The following IRAK2 variants were observed in gnomAD, a reference collection of about 807,000 sequenced individuals.
IRAK2 encodes the protein interleukin 1 receptor associated kinase 2.
Under a neutral mutation model 72.0 loss-of-function variants are expected in IRAK2, and 57 were observed. The ratio of observed to expected loss-of-function variants is 0.79; its 90% CI spans 0.64 to 0.99. The LOEUF (loss-of-function observed/expected upper bound fraction) is 0.99. Ranked by LOEUF, IRAK2 falls within the 50% of genes least tolerant of loss-of-function variation. The pLI is 0.00. For synonymous variants in IRAK2, 293 were observed against 312.7 expected (o/e 0.94, Z 0.67); for missense variants, 790 against 794.4 (o/e 0.99, Z 0.07).
chr3:10,210,548 C>T lies in IRAK2; in HGVS notation c.528+856C>T, dbSNP rs112517576. On this transcript the variant is annotated intron_variant, in intron 4 of 12. Coordinates refer to ENST00000256458, the MANE Select transcript of IRAK2 (RefSeq NM_001570.4). ...GTTGTGAGCCTAGACCCTTTGCATCCAGTGCCTGGGGGAGAAGCCAGCTTT... is the reference window on the plus strand; with the variant it reads ...GTTGTGAGCCTAGACCCTTTGCATCTAGTGCCTGGGGGAGAAGCCAGCTTT... 1.8e-3 allele frequency among the ~76,000 whole-genome samples: 269 copies of T among 152,232 alleles called. 1 individual carries two copies. The highest frequency in any genetic ancestry group is 6.0e-3 in the African/African-American group (250 of 41,546).
intron 12 of IRAK2, among the ~76,000 whole-genome samples, chr3:10,241,669 G>C (rs1698063121): frequency 6.6e-6 from 1 of 152,020 alleles, no homozygotes; most frequent in Non-Finnish European, 1.5e-5. Flanking sequence ...GGGAGGCCGA[G>C]GCGGGTGGGT....
chr3:10,211,514 G>A (rs1477519371), intron 4 of IRAK2, among the ~76,000 whole-genome samples: 1 of 152,076 alleles, frequency 6.6e-6, no homozygotes, highest in Non-Finnish European at 1.5e-5. Flanking sequence ...GCTACTTGGG[G>A]GCGCTGAGAT....
rs11465874 is a variant in IRAK2 at position 10,189,233 on chromosome 3, C to T, written c.278-11136C>T. Among the ~76,000 whole-genome samples, 434 of 152,154 alleles carry T rather than the reference C, an allele frequency of 2.9e-3. 4 individuals are homozygous for T. Among genetic ancestry groups the T allele is most frequent in the African/African-American group, 0.01 (420 of 41,512 alleles). ...GAGGCAGTGAAACTTGAGCCTCCTC[C>T]GTAAGGAATAGTGGACCAAGAAGTG... On this transcript the variant is annotated intron_variant, in intron 2 of 12. Coordinates refer to ENST00000256458, the MANE Select transcript of IRAK2 (RefSeq NM_001570.4).
At chr3:10,178,172 A>G in intron 2 of IRAK2, 152 bp downstream of exon 2, 1 of 690,114 alleles carries the variant, frequency 1.4e-6, no homozygotes, top group Non-Finnish European at 2.4e-6. Context: ...AGAAACTGGT[A>G]ACAGGCCAGG....
chr3:10,169,325 G>A (rs899064558), intron 1 of IRAK2, among the ~76,000 whole-genome samples: 1 of 152,170 alleles, frequency 6.6e-6, no homozygotes, highest in Non-Finnish European at 1.5e-5. Context: ...TCACCAGGCT[G>A]GAATTTCCCA....
intron 1 of IRAK2, among the ~76,000 whole-genome samples, chr3:10,175,093 CAA>C (rs971232489): frequency 3.0e-5 from 4 of 135,138 alleles, no homozygotes; most frequent in East Asian, 2.1e-4. Context: ...CACCCTGTCT[CAA>C]AAAAAAAAAA....
intron 2 of IRAK2, among the ~76,000 whole-genome samples, chr3:10,185,059 G>A (rs1010436478): frequency 4.0e-5 from 6 of 151,184 alleles, no homozygotes; most frequent in African/African-American, 1.2e-4. Flanking sequence ...AAAGGAGTAA[G>A]TTCTTTGCTT....
At chr3:10,191,419 G>C (rs2125148270) in intron 2 of IRAK2, among the ~76,000 whole-genome samples, 1 of 152,294 alleles carries the variant, frequency 6.6e-6, no homozygotes. Context: ...GGTTACCTCA[G>C]TTCCAGGGCG....
rs188021518 is a variant in IRAK2 at position 10,210,758 on chromosome 3, A to C, written c.528+1066A>C. On this transcript the variant is annotated intron_variant, in intron 4 of 12. Coordinates refer to ENST00000256458, the MANE Select transcript of IRAK2 (RefSeq NM_001570.4). ...TAGATCAACCTTCCATGAAGGATAA[A>C]CCCAACACTTTGGGAGGTTGGTATG... Among the ~76,000 whole-genome samples the C allele has an allele frequency of 1.7e-3, 263 of 152,240 alleles. 1 individual carries two copies. Among genetic ancestry groups the C allele is most frequent in the African/African-American group, 6.0e-3 (250 of 41,544 alleles).
chr3:10,225,701 G>GTT (rs34166203), intron 9 of IRAK2, among the ~76,000 whole-genome samples: 14 of 141,152 alleles, frequency 9.9e-5, no homozygotes, highest in East Asian at 4.2e-4. Context: ...GTTTTTTGGT[G>GTT]TTTTTTTTTT....
chr3:10,185,845 C>CT (rs1266511317), intron 2 of IRAK2, among the ~76,000 whole-genome samples: 1 of 151,102 alleles, frequency 6.6e-6, no homozygotes, highest in Non-Finnish European at 1.5e-5. Context: ...CCACTGCACT[C>CT]CATCCTGGGC....
chr3:10,213,380 C>T lies in IRAK2; in HGVS notation c.702C>T (p.Phe234=), dbSNP rs757301702. ...GAGGGCACAGGCACGGGAAGCCATT[C>T]GTCTTCAAGAAGCTCAGAGAGGTGA... ...VYRGHRHGKP[F]VFKKLRETAC... Residue 234 remains phenylalanine (F), a synonymous_variant, in exon 5 of 13, where the codon TTC becomes TTT. Transcript: ENST00000256458. The T allele has an allele frequency of 7.6e-5, 123 of 1,613,848 alleles. No individual in the cohort carries two copies. Among genetic ancestry groups the T allele is most frequent in the Middle Eastern group, 1.6e-4 (1 of 6,084 alleles).
intron 2 of IRAK2, among the ~76,000 whole-genome samples, chr3:10,192,298 A>T (rs1230053334): frequency 6.6e-6 from 1 of 152,050 alleles, no homozygotes; most frequent in Non-Finnish European, 1.5e-5. Flanking sequence ...GTTGGGGGGA[A>T]TTTCCAGAGT....
At chr3:10,189,882 C>A (rs773580997) in intron 2 of IRAK2, among the ~76,000 whole-genome samples, 1 of 152,058 alleles carries the variant, frequency 6.6e-6, no homozygotes, top group African/African-American at 2.4e-5. Flanking sequence ...TGCCTACATC[C>A]AGACCCTGCC....
At chr3:10,189,809 T>A (rs1441824735) in intron 2 of IRAK2, among the ~76,000 whole-genome samples, 1 of 152,066 alleles carries the variant, frequency 6.6e-6, no homozygotes, top group East Asian at 1.9e-4. Flanking sequence ...GGCTTGTGTG[T>A]CTGCTCTCTT....
chr3:10,167,449 T>C (rs1020947145), intron 1 of IRAK2, among the ~76,000 whole-genome samples: 10 of 151,746 alleles, frequency 6.6e-5, no homozygotes, highest in East Asian at 1.9e-4. Flanking sequence ...GAGTCTCGCT[T>C]TGTCACCCAG....
At chr3:10,238,727 C>T (rs1250987238) in intron 11 of IRAK2, 21 bp from the exon 12 acceptor site, 4 of 1,608,334 alleles carry the variant, frequency 2.5e-6, no homozygotes, top group African/African-American at 2.7e-5. Flanking sequence ...GATGAGCTCC[C>T]TTCTCTCTCT....
intron 2 of IRAK2, among the ~76,000 whole-genome samples, chr3:10,196,855 G>C (rs1697275484): frequency 6.6e-6 from 1 of 152,098 alleles, no homozygotes; most frequent in South Asian, 2.1e-4. Context: ...GAAGTGAGGT[G>C]GATCTGAATC....
chr3:10,195,072 T>A (rs2125149766), intron 2 of IRAK2, among the ~76,000 whole-genome samples: 1 of 152,314 alleles, frequency 6.6e-6, no homozygotes, highest in African/African-American at 2.4e-5. Context: ...CGCATGTCAC[T>A]GCAGAAGGAA....
Sources: gnomAD v4.1 joint callset for allele counts (sites outside exome capture counted in the v4.1 genomes callset) on GRCh38, gnomAD v4.1.1 for gene constraint, MANE v1.5 for transcripts, NCBI Gene and HGNC (gene_info 2026-07-23, HGNC 2026-07-21) for gene names.